B4GALT5: variants seen among roughly 807,000 people sequenced by gnomAD.
B4GALT5 encodes the protein UDP-Gal:beta-GlcNAc beta-1,4-galactosyltransferase 5.
B4GALT5 carries 11 observed loss-of-function variants against 45.0 expected under a neutral mutation model. The observed-to-expected ratio is 0.24, with a 90% CI of 0.15 to 0.40. The LOEUF (loss-of-function observed/expected upper bound fraction) is 0.40, where lower values mean the gene tolerates loss of function less well. Among genes scored for constraint, B4GALT5 ranks in the 10% least tolerant of loss-of-function variants. The probability of loss-of-function intolerance (pLI) is 1.00; values close to 1 mark genes in which losing one functional copy is unlikely to be tolerated. For missense variants in B4GALT5, 337 were observed against 500.2 expected (o/e 0.67, Z 3.11); for synonymous variants, 185 against 182.9 (o/e 1.01, Z -0.09).
intron 4 of B4GALT5, among the ~76,000 whole-genome samples, chr20:49,642,890 C>A (rs767481988): frequency 6.6e-6 from 1 of 152,220 alleles, no homozygotes; most frequent in Admixed American, 6.5e-5. Context: ...ACAATTAAAA[C>A]AAGCTTCACA....
At chr20:49,707,525 AT>A (rs946236229) in intron 1 of B4GALT5, among the ~76,000 whole-genome samples, 1 of 152,092 alleles carries the variant, frequency 6.6e-6, no homozygotes, top group Admixed American at 6.5e-5. Flanking sequence ...AAAAAAGGCT[AT>A]TTTCAGACTA....
intron 1 of B4GALT5, 96 bp downstream of exon 1, chr20:49,713,480 C>A: frequency 7.8e-7 from 1 of 1,282,310 alleles, no homozygotes; most frequent in East Asian, 2.9e-5. Flanking sequence ...GGCTCAGGGC[C>A]GCCTCCCGGC....
intron 1 of B4GALT5, among the ~76,000 whole-genome samples, chr20:49,657,680 G>A (rs16994765): frequency 0.02 from 2,999 of 152,276 alleles, 106 homozygotes; most frequent in African/African-American, 0.07. Context: ...CTAACCGCTT[G>A]GCTAACCTCG....
intron 1 of B4GALT5, among the ~76,000 whole-genome samples, chr20:49,701,481 A>G (rs2085861865): frequency 6.6e-6 from 1 of 152,094 alleles, no homozygotes; most frequent in South Asian, 2.1e-4. Context: ...GGATAACAGA[A>G]AAAAAAACCC....
chr20:49,644,452 T>C (rs1407734792), intron 3 of B4GALT5, among the ~76,000 whole-genome samples: 1 of 152,196 alleles, frequency 6.6e-6, no homozygotes, highest in Non-Finnish European at 1.5e-5. Flanking sequence ...GGTTTGCTCC[T>C]GATGCAAGTG....
chr20:49,710,995 A>C (rs1295497885), intron 1 of B4GALT5, among the ~76,000 whole-genome samples: 3 of 151,338 alleles, frequency 2.0e-5, no homozygotes, highest in African/African-American at 7.3e-5. Context: ...AGGGAGGAGG[A>C]TCCCTTGTGC....
intron 5 of B4GALT5, among the ~76,000 whole-genome samples, chr20:49,641,538 A>G (rs1404787923): frequency 6.6e-6 from 1 of 152,212 alleles, no homozygotes; most frequent in African/African-American, 2.4e-5. Context: ...CCTTGCCACT[A>G]TCAAAATACC....
At chr20:49,687,855 A>G (rs1316850386) in intron 1 of B4GALT5, among the ~76,000 whole-genome samples, 1 of 152,006 alleles carries the variant, frequency 6.6e-6, no homozygotes, top group Non-Finnish European at 1.5e-5. Flanking sequence ...CCTCAGAGAA[A>G]CAACTCCAAC....
intron 1 of B4GALT5, among the ~76,000 whole-genome samples, chr20:49,666,011 T>C (rs1427665801): frequency 6.6e-6 from 1 of 152,150 alleles, no homozygotes; most frequent in African/African-American, 2.4e-5. Context: ...AACTTGATTC[T>C]GAAAGCCACG....
chr20:49,687,092 C>G (rs920387784), intron 1 of B4GALT5, among the ~76,000 whole-genome samples: 1 of 152,074 alleles, frequency 6.6e-6, no homozygotes, highest in East Asian at 1.9e-4. Context: ...TATCTGGGGG[C>G]ATTTTTCGTT....
Position 49,643,516 on chromosome 20 carries a change from C to T in B4GALT5, c.489+10G>A. On this transcript the variant is annotated intron_variant, in intron 4 of 8. Coordinates refer to ENST00000371711, the MANE Select transcript of B4GALT5 (RefSeq NM_004776.4). ...CTTCTCAGCATTTTGGCTGTGACTT[C>T]ACACCCTACCTTCCACCGAGGCATG... 6.2e-7 allele frequency: 1 copy of T among 1,613,730 alleles called. No individual in the cohort carries two copies. Among genetic ancestry groups the T allele is most frequent in the Non-Finnish European group, 8.5e-7 (1 of 1,179,832 alleles).
intron 1 of B4GALT5, among the ~76,000 whole-genome samples, chr20:49,690,006 ATTTG>A (rs1158917624): frequency 3.9e-5 from 6 of 151,914 alleles, no homozygotes; most frequent in South Asian, 2.1e-4. Context: ...TGTTGTTGTT[ATTTG>A]TTTGTTTGTT....
chr20:49,650,851 C>G (rs1213364380), intron 2 of B4GALT5, among the ~76,000 whole-genome samples: 2 of 152,164 alleles, frequency 1.3e-5, no homozygotes, highest in Non-Finnish European at 2.9e-5. Context: ...TCTTCTAAAG[C>G]ATGTACCTAC....
chr20:49,642,900 A>G (rs970756811), intron 4 of B4GALT5, among the ~76,000 whole-genome samples: 4 of 152,258 alleles, frequency 2.6e-5, no homozygotes, highest in Admixed American at 6.5e-5. Flanking sequence ...CAAGCTTCAC[A>G]AAACAGTATT....
At chr20:49,699,269 G>C (rs1484228198) in intron 1 of B4GALT5, among the ~76,000 whole-genome samples, 1 of 146,456 alleles carries the variant, frequency 6.8e-6, no homozygotes, top group African/African-American at 2.5e-5. Context: ...ATACATTCAT[G>C]ACTAGCCATT....
chr20:49,666,021 G>C (rs576770000), intron 1 of B4GALT5, among the ~76,000 whole-genome samples: 1 of 152,124 alleles, frequency 6.6e-6, no homozygotes, highest in Non-Finnish European at 1.5e-5. Context: ...TGAAAGCCAC[G>C]ACATTGCAGA....
At chr20:49,670,556 C>T (rs6095605) in intron 1 of B4GALT5, among the ~76,000 whole-genome samples, 71,092 of 152,040 alleles carry the variant, frequency 0.47, 17,595 homozygotes, top group South Asian at 0.65. Context: ...TGGTGTCTGA[C>T]TGAGTGAGGG....
intron 1 of B4GALT5, among the ~76,000 whole-genome samples, chr20:49,677,330 CCACCCTCTGCA>C (rs2085742280): frequency 6.6e-6 from 1 of 152,138 alleles, no homozygotes; most frequent in Admixed American, 6.5e-5. Context: ...CCTGCACCAA[CCACCCTCTGCA>C]CACCATCCCC....
chr20:49,710,418 T>TG (rs1555815353), intron 1 of B4GALT5, among the ~76,000 whole-genome samples: 8 of 148,568 alleles, frequency 5.4e-5, no homozygotes, highest in African/African-American at 1.2e-4. Context: ...TTTTTTTTTT[T>TG]TGTGTGTGTG....
Sources: allele counts gnomAD v4.1 joint callset (sites outside exome capture counted in the v4.1 genomes callset), GRCh38; gene constraint gnomAD v4.1.1; transcripts MANE v1.5; gene names NCBI Gene and HGNC (gene_info 2026-07-23, HGNC 2026-07-21).